The following TMEM132C variants were observed in gnomAD, a reference collection of about 807,000 sequenced individuals.
TMEM132C encodes the protein protein phosphatase 1, regulatory subunit 152.
A neutral mutation model predicts 61.4 loss-of-function variants in TMEM132C; 29 were observed. The observed-to-expected ratio is 0.47, with a 90% CI of 0.35 to 0.64. The LOEUF (loss-of-function observed/expected upper bound fraction) is 0.64. Ranked by LOEUF, TMEM132C falls within the 30% of genes least tolerant of loss-of-function variation. The pLI is 0.00. For synonymous variants in TMEM132C, 656 were observed against 633.1 expected (o/e 1.04, Z -0.54); for missense variants, 1,408 against 1,476.9 (o/e 0.95, Z 0.76).
At chr12:128,390,477 C>CCCT (rs1338245034) in intron 1 of TMEM132C, among the ~76,000 whole-genome samples, 1 of 152,156 alleles carries the variant, frequency 6.6e-6, no homozygotes, top group Non-Finnish European at 1.5e-5. Context: ...TCTGCCACCT[C>CCCT]CCTCCTCCAC....
chr12:128,348,477 T>C lies in TMEM132C; in HGVS notation c.86-66255T>C, dbSNP rs78091141. Reference sequence around the variant, plus strand: ...ACTCCAGTACAACATCAAGTAGACATGGTGAGAGCAAACATCTTTGTTCTA... The same window carrying C: ...ACTCCAGTACAACATCAAGTAGACACGGTGAGAGCAAACATCTTTGTTCTA... On this transcript the variant is annotated intron_variant, in intron 1 of 8. Coordinates refer to ENST00000435159, the MANE Select transcript of TMEM132C (RefSeq NM_001136103.3). Among the ~76,000 whole-genome samples, 1,140 of 152,358 alleles carry C rather than the reference T, an allele frequency of 7.5e-3. 12 individuals carry two copies. Among genetic ancestry groups the C allele is most frequent in the African/African-American group, 0.026 (1,066 of 41,586 alleles).
intron 4 of TMEM132C, among the ~76,000 whole-genome samples, chr12:128,617,301 GC>G (rs1876838566): frequency 6.6e-6 from 1 of 152,166 alleles, no homozygotes; most frequent in South Asian, 2.1e-4. Context: ...TCACAAGGTG[GC>G]CCCGGCAATG....
chr12:128,482,384 T>G (rs991270422), intron 2 of TMEM132C, among the ~76,000 whole-genome samples: 2 of 152,336 alleles, frequency 1.3e-5, no homozygotes, highest in Middle Eastern at 3.4e-3. Context: ...GCCAGTATTT[T>G]ATTGATGATT....
At chr12:128,542,247 A>G (rs1029202185) in intron 2 of TMEM132C, among the ~76,000 whole-genome samples, 1 of 151,946 alleles carries the variant, frequency 6.6e-6, no homozygotes, top group Non-Finnish European at 1.5e-5. Context: ...CAGTTTCCCA[A>G]ATCTGTTGCT....
chr12:128,581,599 A>T (rs547665584), intron 3 of TMEM132C, among the ~76,000 whole-genome samples: 1 of 152,312 alleles, frequency 6.6e-6, no homozygotes, highest in South Asian at 2.1e-4. Flanking sequence ...CATGATAATG[A>T]CCAACCAGGA....
chr12:128,639,356 AGAT>A (rs1028702529), intron 4 of TMEM132C, among the ~76,000 whole-genome samples: 14 of 150,952 alleles, frequency 9.3e-5, no homozygotes, highest in African/African-American at 2.0e-4. Context: ...TTGGTGATGA[AGAT>A]GATGATGGTG....
At chr12:128,511,518 A>G (rs1182267617) in intron 2 of TMEM132C, among the ~76,000 whole-genome samples, 4 of 152,230 alleles carry the variant, frequency 2.6e-5, no homozygotes, top group African/African-American at 9.6e-5. Context: ...TAAGGGAAGA[A>G]GCATGTGGGG....
At chr12:128,654,237 G>T (rs1423382273) in intron 4 of TMEM132C, among the ~76,000 whole-genome samples, 1 of 152,150 alleles carries the variant, frequency 6.6e-6, no homozygotes, top group East Asian at 1.9e-4. Context: ...ATAGGTGGGA[G>T]ATTTGGATAG....
intron 3 of TMEM132C, among the ~76,000 whole-genome samples, chr12:128,586,691 A>G (rs1242788829): frequency 6.6e-6 from 1 of 152,200 alleles, no homozygotes; most frequent in African/African-American, 2.4e-5. Flanking sequence ...ATTGTGGCAA[A>G]TATTAAACAG....
intron 2 of TMEM132C, among the ~76,000 whole-genome samples, chr12:128,427,508 T>C (rs61940006): frequency 0.17 from 26,040 of 150,510 alleles, 2,360 homozygotes; most frequent in African/African-American, 0.21. Flanking sequence ...TAGATGGGAT[T>C]GAGAGGGAGG....
intron 5 of TMEM132C, among the ~76,000 whole-genome samples, chr12:128,677,334 T>C (rs1392889501): frequency 1.3e-5 from 2 of 152,078 alleles, no homozygotes; most frequent in Non-Finnish European, 2.9e-5. Flanking sequence ...GACACAGCAA[T>C]TAAATAGAAC....
At position 128,526,234 on chromosome 12, in the gene TMEM132C, C is replaced by T. The variant is rs1873080807; in HGVS notation, c.975-17723C>T. On this transcript the variant is annotated intron_variant, in intron 2 of 8. Coordinates refer to ENST00000435159, the MANE Select transcript of TMEM132C (RefSeq NM_001136103.3). ...CCTTAGGGCTGCTGTAAGAAAACACCATAGGCTGGGTGGCTTATAGACAAC... is the reference window on the plus strand; with the variant it reads ...CCTTAGGGCTGCTGTAAGAAAACACTATAGGCTGGGTGGCTTATAGACAAC... 3.3e-5 allele frequency among the ~76,000 whole-genome samples: 5 copies of T among 152,196 alleles called. No individual in the cohort carries two copies. In the South Asian group the frequency reaches 1.0e-3, roughly 32 times the overall value.
intron 1 of TMEM132C, among the ~76,000 whole-genome samples, chr12:128,285,494 C>CAGTTT (rs1210973348): frequency 6.6e-6 from 1 of 152,126 alleles, no homozygotes; most frequent in Non-Finnish European, 1.5e-5. Context: ...CTCTTAAACA[C>CAGTTT]AAGTAACAGG....
chr12:128,534,401 T>C (rs543433880), intron 2 of TMEM132C, among the ~76,000 whole-genome samples: 1 of 152,340 alleles, frequency 6.6e-6, no homozygotes, highest in South Asian at 2.1e-4. Flanking sequence ...TGGTGCTCCA[T>C]GCTACATGGG....
intron 3 of TMEM132C, among the ~76,000 whole-genome samples, chr12:128,560,854 G>C (rs1353735599): frequency 6.6e-6 from 1 of 152,194 alleles, no homozygotes. Flanking sequence ...GAGAGCCCTC[G>C]TGTTGAGAGT....
In TMEM132C at chr12:128,387,158, A is replaced by G. The variant is rs988919787; in HGVS notation, c.86-27574A>G. On this transcript the variant is annotated intron_variant, in intron 1 of 8. Coordinates refer to ENST00000435159, the MANE Select transcript of TMEM132C (RefSeq NM_001136103.3). ...TCTGCCTCAAAAAAAAAAAAAAAAA[A>G]AAAGAAACTAAAAACTGGGAATGGG... Among the ~76,000 whole-genome samples, 48 of 151,758 alleles carry G rather than the reference A, an allele frequency of 3.2e-4. 1 individual carries two copies. The highest frequency in any genetic ancestry group is 8.9e-4 in the African/African-American group (37 of 41,460).
At chr12:128,572,406 A>T (rs1359523364) in intron 3 of TMEM132C, among the ~76,000 whole-genome samples, 1 of 149,646 alleles carries the variant, frequency 6.7e-6, no homozygotes, top group African/African-American at 2.5e-5. Flanking sequence ...TCACATACCA[A>T]CTGTGGCTGG....
At chr12:128,373,770 G>A (rs1222699869) in intron 1 of TMEM132C, among the ~76,000 whole-genome samples, 1 of 152,210 alleles carries the variant, frequency 6.6e-6, no homozygotes, top group Admixed American at 6.5e-5. Context: ...GTGAACACCG[G>A]TAGGTCTGAA....
chr12:128,685,253 T>C (rs1226873691), intron 5 of TMEM132C, among the ~76,000 whole-genome samples: 1 of 152,218 alleles, frequency 6.6e-6, no homozygotes, highest in Non-Finnish European at 1.5e-5. Context: ...ATAGTCAGGA[T>C]CATCCACATC....
Sources: allele counts gnomAD v4.1 joint callset (sites outside exome capture counted in the v4.1 genomes callset), GRCh38; gene constraint gnomAD v4.1.1; transcripts MANE v1.5; gene names NCBI Gene and HGNC (gene_info 2026-07-23, HGNC 2026-07-21).